Variants in BIRC6 observed in about 807,000 individuals in gnomAD.
The protein encoded by BIRC6 is baculoviral IAP repeat containing 6, also known as dual E2 ubiquitin-conjugating enzyme/E3 ubiquitin-protein ligase BIRC6.
Under a neutral mutation model 503.3 loss-of-function variants are expected in BIRC6, and 98 were observed. That is an observed-to-expected ratio of 0.19 (90% CI 0.17 to 0.23). The LOEUF (loss-of-function observed/expected upper bound fraction) is 0.23, where lower values mean the gene tolerates loss of function less well. BIRC6 is among the 10% of genes least tolerant of loss of function. BIRC6 has a pLI of 1.00. For missense variants in BIRC6, 5,360 were observed against 5,806.0 expected, an observed-to-expected ratio of 0.92 and a Z score of 2.50; for synonymous variants, 2,240 against 2,078.7, an observed-to-expected ratio of 1.08 and a Z score of -2.11.
In BIRC6 at chr2:32,617,792, C is replaced by T; in HGVS notation, c.14462C>T (p.Thr4821Ile). Residue 4821 changes from threonine (T) to isoleucine (I), a missense_variant, in exon 74 of 74, where the codon ACT becomes ATT. By Grantham distance (89) the Thr-to-Ile change is moderately conservative (BLOSUM62 -1). This residue lies in a region of BIRC6 where 140 missense variants were observed against 130.2 expected (regional missense o/e 1.07). Transcript: ENST00000421745. Reference protein sequence around the residue: ...LPCPEGLDPDTDDAPEVCRAT... With the variant: ...LPCPEGLDPDIDDAPEVCRAT... ...TGCCCTGAAGGCTTGGATCCTGACA[C>T]TGACGATGCCCCAGAGGTGTGCAGA... is the stretch of plus-strand genomic sequence containing the variant. 1 of 1,614,024 alleles carries T rather than the reference C, an allele frequency of 6.2e-7. No individual in the cohort carries two copies. The highest frequency in any genetic ancestry group is 1.1e-5 in the South Asian group (1 of 91,074).
intron 66 of BIRC6, 100 bp downstream of exon 66, chr2:32,575,466 A>G (rs985974784): frequency 2.4e-5 from 27 of 1,133,032 alleles, no homozygotes; most frequent in Non-Finnish European, 3.1e-5. Context: ...GTGCTTTTTA[A>G]AAGCATATAC....
intron 19 of BIRC6, 60 bp from the exon 20 acceptor site, chr2:32,443,431 A>T: frequency 1.7e-6 from 2 of 1,168,746 alleles, no homozygotes; most frequent in Non-Finnish European, 1.2e-6. Context: ...CACCAGGTTT[A>T]GGGTTGAATT....
In BIRC6 at chr2:32,463,222, A is replaced by G. The variant is rs1421762023; in HGVS notation, c.4782A>G (p.Val1594=). ...GTTCCTTCGGGGTTACTCCTGCAGTAGGTGGACTATCATCTGGGACAGTTG... is the reference window on the plus strand; with the variant it reads ...GTTCCTTCGGGGTTACTCCTGCAGTGGGTGGACTATCATCTGGGACAGTTG... ...AMSSFGVTPA[V]GGLSSGTVGE... is the part of the protein sequence containing the mutation. The change falls in exon 24 of 74, where the codon GTA becomes GTG. Residue 1594 remains valine (V), a synonymous_variant. Transcript: ENST00000421745. The G allele has an allele frequency of 1.2e-6, 2 of 1,613,142 alleles. No homozygotes were observed. Among genetic ancestry groups the G allele is most frequent in the South Asian group, 1.1e-5 (1 of 90,900 alleles).
chr2:32,585,942 AAATG>A (rs2060992589), intron 66 of BIRC6, among the ~76,000 whole-genome samples: 1 of 152,222 alleles, frequency 6.6e-6, no homozygotes, highest in South Asian at 2.1e-4. Flanking sequence ...ATTTGATAGA[AAATG>A]AATCTGTTGC....
intron 36 of BIRC6, 121 bp downstream of exon 36, chr2:32,478,939 C>T (rs1009544018): frequency 4.4e-6 from 4 of 914,780 alleles, no homozygotes; most frequent in African/African-American, 3.4e-5. Flanking sequence ...GCATAAAGGT[C>T]TGTTTAATCG....
At chr2:32,359,784 G>T (rs1232046699) in intron 1 of BIRC6, among the ~76,000 whole-genome samples, 3 of 152,092 alleles carry the variant, frequency 2.0e-5, no homozygotes, top group African/African-American at 7.2e-5. Context: ...GCCCAGGCTG[G>T]TCTTGAACTT....
intron 3 of BIRC6, among the ~76,000 whole-genome samples, chr2:32,386,446 T>C (rs189676449): frequency 5.4e-5 from 8 of 149,002 alleles, no homozygotes; most frequent in South Asian, 2.1e-4. Context: ...CTCTCTCTCT[T>C]TTTTTTTTTT....
chr2:32,365,897 T>A (rs1259302026), intron 1 of BIRC6, among the ~76,000 whole-genome samples: 2 of 152,006 alleles, frequency 1.3e-5, no homozygotes, highest in Non-Finnish European at 2.9e-5. Context: ...ATTTAATTTA[T>A]TTTTTGAGAT....
intron 73 of BIRC6, among the ~76,000 whole-genome samples, chr2:32,614,959 G>A (rs184963211): frequency 1.6e-3 from 247 of 152,246 alleles, no homozygotes; most frequent in Middle Eastern, 0.014. Flanking sequence ...ATAACAAAAA[G>A]ACATTCAATG....
intron 10 of BIRC6, among the ~76,000 whole-genome samples, chr2:32,422,606 C>A (rs1321062750): frequency 6.6e-6 from 1 of 152,094 alleles, no homozygotes; most frequent in African/African-American, 2.4e-5. Flanking sequence ...TTATGTCTTT[C>A]CTTTTATAAA....
rs772220909 is a variant in BIRC6 at position 32,477,399 on chromosome 2, C to T, written c.6884C>T (p.Thr2295Ile). ...AAGGATTTAATTCGTTTACGTCGGA[C>T]AGCAGAATGGTCCCGTTCTAATTTA... Reference protein sequence around the residue: ...HFKDLIRLRRTAEWSRSNLDT... With the variant: ...HFKDLIRLRRIAEWSRSNLDT... Residue 2295 changes from threonine (T) to isoleucine (I), a missense_variant, in exon 35 of 74, where the codon ACA becomes ATA. Thr to Ile is a moderately conservative substitution (Grantham distance 89). Transcript: ENST00000421745. 6.2e-7 allele frequency: 1 copy of T among 1,613,900 alleles called. No homozygotes were observed. Among genetic ancestry groups the T allele is most frequent in the South Asian group, 1.1e-5 (1 of 91,074 alleles).
rs571747178 is a variant in BIRC6 at position 32,475,841 on chromosome 2, G to A, written c.6721-372G>A. Among the ~76,000 whole-genome samples the A allele has an allele frequency of 5.1e-4, 77 of 152,040 alleles. 1 individual carries two copies. The highest frequency in any genetic ancestry group is 1.8e-3 in the African/African-American group (74 of 41,532). On this transcript the variant is annotated intron_variant, in intron 33 of 73. Coordinates refer to ENST00000421745, the MANE Select transcript of BIRC6 (RefSeq NM_016252.4). ...ATACCAAAATGTGTACTACTCTTGA[G>A]ATTTCCATAAAAACAAAGCTAAGAA...
chr2:32,482,609 AT>A lies in BIRC6; in HGVS notation c.7696+28del, dbSNP rs774289932. ...TAAGTGTATGTTTATATTTTAAGAC[AT>A]ATGCTATTCTTAAAACAAGTCTGTC... On this transcript the variant is annotated intron_variant, in intron 39 of 73. Coordinates refer to ENST00000421745, the MANE Select transcript of BIRC6 (RefSeq NM_016252.4). The A allele has an allele frequency of 2.5e-6, 4 of 1,610,002 alleles. No homozygotes were observed. The Admixed American group carries it at 5.0e-5, about 20-fold the overall frequency.
intron 51 of BIRC6, among the ~76,000 whole-genome samples, chr2:32,509,400 G>C (rs980388310): frequency 1.3e-5 from 2 of 151,912 alleles, no homozygotes; most frequent in African/African-American, 2.4e-5. Flanking sequence ...GATTACAGGC[G>C]CCCACCACCA....
chr2:32,433,758 A>G lies in BIRC6; in HGVS notation c.3363A>G (p.Gln1121=). The change falls in exon 13 of 74, where the codon CAA becomes CAG. Residue 1121 remains glutamine, a synonymous_variant. Coordinates refer to ENST00000421745, the MANE Select transcript of BIRC6 (RefSeq NM_016252.4). ...ACATCACCAATATTCCACAGATACAAGTGACACTGCTGAAAAATAAAGCTC... is the reference window on the plus strand; with the variant it reads ...ACATCACCAATATTCCACAGATACAGGTGACACTGCTGAAAAATAAAGCTC... ...NSNITNIPQI[Q]VTLLKNKAPG... 1.3e-6 allele frequency: 2 copies of G among 1,595,258 alleles called. No homozygotes were observed. The highest frequency in any genetic ancestry group is 2.3e-5 in the South Asian group (2 of 88,624).
chr2:32,393,477 T>C (rs371856460), intron 5 of BIRC6, among the ~76,000 whole-genome samples: 3 of 152,360 alleles, frequency 2.0e-5, no homozygotes, highest in South Asian at 4.1e-4. Flanking sequence ...CTAATACTTA[T>C]ATGTCAGTTT....
Position 32,515,685 on chromosome 2 carries a change from A to G in BIRC6, c.11264A>G (p.Gln3755Arg). The G allele has an allele frequency of 6.2e-7, 1 of 1,606,074 alleles. No homozygotes were observed. Among genetic ancestry groups the G allele is most frequent in the Non-Finnish European group, 8.5e-7 (1 of 1,179,838 alleles). The change falls in exon 55 of 74, where the codon CAG (glutamine) becomes CGG (arginine). Residue 3755 changes from glutamine to arginine, a missense_variant. Around this residue, in one of 16 missense-constraint regions of BIRC6, gnomAD observed 878 missense variants for 928.9 expected, o/e 0.95. Coordinates refer to ENST00000421745, the MANE Select transcript of BIRC6 (RefSeq NM_016252.4). ...SAATTGLTTQ[Q>R]RTAIENATVA... The stretch of plus-strand genomic sequence containing the variant: ...GCTACAACAGGACTGACTACTCAAC[A>G]GCGCACAGCAATTGAGAATGCAACT...
intron 57 of BIRC6, chr2:32,522,164 A>C (rs2055796791): frequency 6.6e-6 from 1 of 151,580 alleles, no homozygotes. Context: ...CCTTACTTAA[A>C]GTGTATAGGT....
In BIRC6 at chr2:32,359,594, A is replaced by G. The variant is rs1212225708; in HGVS notation, c.325+2108A>G. Among the ~76,000 whole-genome samples, 3 of 152,338 alleles carry G rather than the reference A, an allele frequency of 2.0e-5. No homozygotes were observed. In the East Asian group the frequency reaches 5.8e-4, roughly 29 times the overall value. On this transcript the variant is annotated intron_variant, in intron 1 of 73. Coordinates refer to ENST00000421745, the MANE Select transcript of BIRC6 (RefSeq NM_016252.4). Reference sequence around the variant, plus strand: ...TACAATTGCAGGTCCCCATGCATGAAGATTGAGTATGTGAATTAAAATATG... The same window carrying G: ...TACAATTGCAGGTCCCCATGCATGAGGATTGAGTATGTGAATTAAAATATG...
Sources: gnomAD v4.1 joint callset for allele counts (sites outside exome capture counted in the v4.1 genomes callset) on GRCh38, gnomAD v4.1.1 for gene constraint, gnomAD v4.1.1 regional missense constraint, MANE v1.5 for transcripts, NCBI Gene and HGNC (gene_info 2026-07-23, HGNC 2026-07-21) for gene names.